SLIT2: variants seen among roughly 807,000 people sequenced by gnomAD.
The protein encoded by SLIT2 is slit guidance ligand 2, also known as slit homolog 2 protein.
Under a neutral mutation model 185.7 loss-of-function variants are expected in SLIT2, and 41 were observed. The ratio of observed to expected loss-of-function variants is 0.22; its 90% CI spans 0.17 to 0.29. SLIT2 has a LOEUF of 0.29. SLIT2 is among the 10% of genes least tolerant of loss of function. The probability of loss-of-function intolerance (pLI) is 1.00; values close to 1 mark genes in which losing one functional copy is unlikely to be tolerated. For synonymous variants in SLIT2, 693 were observed against 680.2 expected (o/e 1.02, Z -0.29); for missense variants, 1,571 against 1,909.0 (o/e 0.82, Z 3.30).
chr4:20,542,459 A>C, intron 20 of SLIT2, 35 bp from the exon 21 acceptor site: 1 of 1,610,576 alleles, frequency 6.2e-7, no homozygotes, highest in Middle Eastern at 1.7e-4. Flanking sequence ...CAAGACCACA[A>C]ATCTTGGTTT....
intron 4 of SLIT2, among the ~76,000 whole-genome samples, chr4:20,389,522 AGTT>A (rs1023936566): frequency 2.0e-5 from 3 of 151,812 alleles, no homozygotes; most frequent in African/African-American, 7.3e-5. Flanking sequence ...TGAGAAATTA[AGTT>A]GTTATGTGTT....
intron 11 of SLIT2, among the ~76,000 whole-genome samples, chr4:20,517,806 ATAGT>A (rs1170796712): frequency 1.3e-5 from 2 of 152,016 alleles, no homozygotes; most frequent in Admixed American, 6.6e-5. Flanking sequence ...TCTCTCTTGT[ATAGT>A]TATTTTCTTC....
At chr4:20,385,845 A>C (rs1460584633) in intron 4 of SLIT2, among the ~76,000 whole-genome samples, 1 of 151,724 alleles carries the variant, frequency 6.6e-6, no homozygotes, top group Non-Finnish European at 1.5e-5. Flanking sequence ...AAAACCATAC[A>C]GTTTCTTTAT....
chr4:20,464,839 AT>A (rs201696831), intron 4 of SLIT2, among the ~76,000 whole-genome samples: 5 of 151,458 alleles, frequency 3.3e-5, no homozygotes, highest in Non-Finnish European at 7.4e-5. Context: ...GACTGTCAGT[AT>A]TTTTTTTAAT....
intron 3 of SLIT2, among the ~76,000 whole-genome samples, chr4:20,258,604 G>A (rs973176089): frequency 4.0e-5 from 6 of 151,604 alleles, no homozygotes; most frequent in Non-Finnish European, 7.4e-5. Context: ...TTTAAGATAC[G>A]TTTTTTACAT....
intron 4 of SLIT2, among the ~76,000 whole-genome samples, chr4:20,463,511 A>ATCTGTGTG (rs1713997010): frequency 1.2e-5 from 1 of 84,196 alleles, no homozygotes; most frequent in Non-Finnish European, 2.5e-5. Context: ...GCGTATATCC[A>ATCTGTGTG]TATATGTGTG....
rs1306817149 is a variant in SLIT2 at position 20,550,909 on chromosome 4, A to C, written c.2561+11A>C. 6.5e-7 allele frequency: 1 copy of C among 1,533,522 alleles called. No homozygotes were observed. The allele number at this position is 1,533,522 out of a possible 1,614,324, so 95.0% of individuals were successfully genotyped here. A position where few individuals can be genotyped will look rare whatever the true frequency, so the allele number is the denominator to read the frequency against. On this transcript the variant is annotated intron_variant, in intron 25 of 36. Coordinates refer to ENST00000504154, the MANE Select transcript of SLIT2 (RefSeq NM_004787.4). Reference sequence around the variant, plus strand: ...TGCATTATCACATCTGTGAGTACCTAGTTTATGAATATAGGTTTAGGGTCA... The same window carrying C: ...TGCATTATCACATCTGTGAGTACCTCGTTTATGAATATAGGTTTAGGGTCA...
Position 20,617,155 on chromosome 4 carries a change from C to G in SLIT2, c.4093C>G (p.Pro1365Ala). Reference sequence around the variant, plus strand: ...CGAGTGCCAGGAAGGATGGATGGGGCCCCTCTGTGACCAACGGACCAATGA... The same window carrying G: ...CGAGTGCCAGGAAGGATGGATGGGGGCCCTCTGTGACCAACGGACCAATGA... ...TCECQEGWMG[P>A]LCDQRTNDPC... is the part of the protein sequence containing the mutation. The change falls in exon 35 of 37, where the codon CCC becomes GCC. Residue 1365 changes from proline (P) to alanine (A), a missense_variant. Pro to Ala is a conservative substitution (Grantham distance 27). This residue lies in a region of SLIT2 where 223 missense variants were observed against 245.2 expected (regional missense o/e 0.91). Transcript: ENST00000504154. 6.2e-7 allele frequency: 1 copy of G among 1,606,082 alleles called. No homozygotes were observed. Among genetic ancestry groups the G allele is most frequent in the Non-Finnish European group, 8.5e-7 (1 of 1,173,880 alleles).
intron 35 of SLIT2, 100 bp from the exon 36 acceptor site, chr4:20,617,339 C>G: frequency 7.3e-7 from 1 of 1,376,576 alleles, no homozygotes; most frequent in Non-Finnish European, 1.0e-6. Context: ...CACTCTGTCC[C>G]TCATATTTTC....
intron 26 of SLIT2, among the ~76,000 whole-genome samples, chr4:20,556,542 GAAA>G (rs1439730393): frequency 1.3e-5 from 2 of 151,922 alleles, no homozygotes; most frequent in African/African-American, 4.8e-5. Flanking sequence ...ACTAATTTGT[GAAA>G]TGCTCTTGGA....
chr4:20,476,879 A>G (rs1295892030), intron 5 of SLIT2, among the ~76,000 whole-genome samples: 2 of 152,170 alleles, frequency 1.3e-5, no homozygotes, highest in African/African-American at 2.4e-5. Context: ...GTCATTTAAT[A>G]TACCTATTTT....
chr4:20,262,954 G>T (rs892826727), intron 3 of SLIT2, among the ~76,000 whole-genome samples: 1 of 151,746 alleles, frequency 6.6e-6, no homozygotes, highest in Non-Finnish European at 1.5e-5. Flanking sequence ...AGCAGTGAGG[G>T]TGTTTATTTT....
chr4:20,410,228 T>C (rs940119403), intron 4 of SLIT2, among the ~76,000 whole-genome samples: 5 of 144,418 alleles, frequency 3.5e-5, no homozygotes, highest in African/African-American at 1.3e-4. Flanking sequence ...TGGTTTTTTT[T>C]CTTTTCTTTC....
intron 4 of SLIT2, among the ~76,000 whole-genome samples, chr4:20,463,447 T>TGATA (rs1247809897): frequency 0.012 from 696 of 58,114 alleles, 15 homozygotes; most frequent in Middle Eastern, 0.032. Flanking sequence ...CCTCAAACTG[T>TGATA]GATATATATA....
intron 5 of SLIT2, among the ~76,000 whole-genome samples, chr4:20,470,771 T>A (rs1413230755): frequency 6.6e-6 from 1 of 152,134 alleles, no homozygotes; most frequent in Non-Finnish European, 1.5e-5. Flanking sequence ...AGATGGGGTT[T>A]CACCATGTTG....
chr4:20,452,770 G>T (rs1712614695), intron 4 of SLIT2, among the ~76,000 whole-genome samples: 1 of 152,126 alleles, frequency 6.6e-6, no homozygotes. Context: ...CCATCAAGGT[G>T]GTGTGCTTGG....
At chr4:20,507,375 G>T (rs941578554) in intron 9 of SLIT2, among the ~76,000 whole-genome samples, 8 of 151,840 alleles carry the variant, frequency 5.3e-5, no homozygotes, top group African/African-American at 1.9e-4. Flanking sequence ...AATAATAAAT[G>T]AATTTTAAAT....
chr4:20,480,648 A>G (rs1312174804), intron 5 of SLIT2, 68 bp from the exon 6 acceptor site: 1 of 1,189,064 alleles, frequency 8.4e-7, no homozygotes, highest in East Asian at 2.3e-5. Flanking sequence ...CCCTTCAGGA[A>G]ACTTCTCATC....
intron 12 of SLIT2, 66 bp downstream of exon 12, chr4:20,519,519 T>A: frequency 1.0e-6 from 1 of 964,276 alleles, no homozygotes; most frequent in Non-Finnish European, 1.6e-6. Context: ...TGTTGTCTCA[T>A]ATTTTTATGG....
Sources: allele counts gnomAD v4.1 joint callset (sites outside exome capture counted in the v4.1 genomes callset), GRCh38; gene constraint gnomAD v4.1.1; regional missense constraint gnomAD v4.1.1; transcripts MANE v1.5; gene names NCBI Gene and HGNC (gene_info 2026-07-23, HGNC 2026-07-21).